The following NFATC3 variants were observed in gnomAD, a reference collection of about 807,000 sequenced individuals.
NFATC3 encodes the protein nuclear factor of activated T cells 3, also known as nuclear factor of activated T-cells, cytoplasmic 3.
In NFATC3, 46 loss-of-function variants were observed where a neutral mutation model predicts 98.6. The observed-to-expected ratio is 0.47, with a 90% confidence interval of 0.37 to 0.60. The LOEUF (loss-of-function observed/expected upper bound fraction) is 0.60. Among genes scored for constraint, NFATC3 ranks in the 20% least tolerant of loss-of-function variants. The probability of loss-of-function intolerance (pLI) is 0.00; values close to 1 mark genes in which losing one functional copy is unlikely to be tolerated. For synonymous variants in NFATC3, 512 were observed against 472.2 expected, an observed-to-expected ratio of 1.08 and a Z score of -1.09; for missense variants, 1,256 against 1,295.5, an observed-to-expected ratio of 0.97 and a Z score of 0.47.
chr16:68,213,593 C>A (rs1158304824), intron 9 of NFATC3, among the ~76,000 whole-genome samples: 1 of 152,022 alleles, frequency 6.6e-6, no homozygotes, highest in Admixed American at 6.6e-5. Context: ...TTTGGGAGGC[C>A]TAGGCGGGCG....
At chr16:68,138,239 C>CA (rs2037551642) in intron 3 of NFATC3, among the ~76,000 whole-genome samples, 2 of 151,440 alleles carry the variant, frequency 1.3e-5, no homozygotes, top group African/African-American at 2.4e-5. Flanking sequence ...GGGGTTTCGT[C>CA]ATGTTGGCCA....
intron 1 of NFATC3, among the ~76,000 whole-genome samples, chr16:68,112,028 C>T (rs1278155108): frequency 6.6e-6 from 1 of 151,960 alleles, no homozygotes; most frequent in Non-Finnish European, 1.5e-5. Flanking sequence ...GTGATCTGTC[C>T]TCTCTCCCTG....
Position 68,189,393 on chromosome 16 carries a change from C to T in NFATC3, c.2099-1375C>T, listed in dbSNP as rs532287309. On this transcript the variant is annotated intron_variant, in intron 8 of 9. Coordinates refer to ENST00000346183, the MANE Select transcript of NFATC3 (RefSeq NM_173165.3). ...TCCAGCTTGGCTTTTGGTCTGTGCC[C>T]ATACCTGGTTTATGCCTTGGACACA... The T allele has an allele frequency of 5.1e-5, 11 of 214,390 alleles. No individual in the cohort carries two copies. In the South Asian group the frequency reaches 7.6e-4, roughly 15 times the overall value. The allele number at this position is 214,390 out of a possible 1,614,324, so 13.3% of individuals were successfully genotyped here. A position where few individuals can be genotyped will look rare whatever the true frequency, so the allele number is the denominator to read the frequency against.
intron 1 of NFATC3, among the ~76,000 whole-genome samples, chr16:68,107,283 AATG>A (rs2035709902): frequency 6.6e-6 from 1 of 152,190 alleles, no homozygotes; most frequent in African/African-American, 2.4e-5. Flanking sequence ...TGCTAGGTAA[AATG>A]ATATTTTTGG....
intron 1 of NFATC3, among the ~76,000 whole-genome samples, chr16:68,094,179 T>C (rs1567493216): frequency 6.6e-6 from 1 of 152,198 alleles, no homozygotes; most frequent in Admixed American, 6.5e-5. Context: ...TTTTAGGTTT[T>C]AAGGCAGTTT....
intron 3 of NFATC3, among the ~76,000 whole-genome samples, chr16:68,135,596 A>G (rs1239732535): frequency 6.6e-6 from 1 of 152,142 alleles, no homozygotes; most frequent in Non-Finnish European, 1.5e-5. Context: ...CTAAATATGG[A>G]AGAACTGTCT....
rs145240988 is a variant in NFATC3 at position 68,221,134 on chromosome 16, T to G, written c.3107-5216T>G. ...ATTAAATTGCAAGCATTAGTATTTT[T>G]AACAACTTAAAAATTGTGCTTATCA... On this transcript the variant is annotated intron_variant, in intron 9 of 9. Transcript: ENST00000346183. 7.3e-3 allele frequency: 11,443 copies of G among 1,564,822 alleles called. 92 individuals are homozygous for G. Among genetic ancestry groups the G allele is most frequent in the Middle Eastern group, 0.017 (96 of 5,732 alleles).
intron 3 of NFATC3, among the ~76,000 whole-genome samples, chr16:68,132,308 G>C (rs1424498337): frequency 6.6e-6 from 1 of 152,132 alleles, no homozygotes; most frequent in Non-Finnish European, 1.5e-5. Context: ...GTAGGGTGAG[G>C]ACTGTGTAAT....
At chr16:68,138,333 C>CT (rs2037557663) in intron 3 of NFATC3, among the ~76,000 whole-genome samples, 1 of 152,176 alleles carries the variant, frequency 6.6e-6, no homozygotes, top group Non-Finnish European at 1.5e-5. Flanking sequence ...GCCACCGTGC[C>CT]TGGCCCCTGA....
At chr16:68,204,993 CTT>C (rs993093946) in intron 9 of NFATC3, among the ~76,000 whole-genome samples, 27 of 121,178 alleles carry the variant, frequency 2.2e-4, no homozygotes, top group Admixed American at 2.5e-4. Context: ...ATGCCTGGCT[CTT>C]TTTTTTTTTT....
At chr16:68,113,070 T>G (rs1353572903) in intron 1 of NFATC3, among the ~76,000 whole-genome samples, 2 of 152,220 alleles carry the variant, frequency 1.3e-5, no homozygotes, top group Admixed American at 1.3e-4. Flanking sequence ...ATTACCTACC[T>G]TTTGAAGCCT....
At chr16:68,129,828 C>G (rs540003143) in intron 3 of NFATC3, among the ~76,000 whole-genome samples, 84 of 152,102 alleles carry the variant, frequency 5.5e-4, no homozygotes, top group Admixed American at 2.3e-3. Flanking sequence ...CAGATGCATG[C>G]CACTGCATCT....
At chr16:68,219,007 G>A (rs937604140) in intron 9 of NFATC3, among the ~76,000 whole-genome samples, 1 of 151,848 alleles carries the variant, frequency 6.6e-6, no homozygotes, top group African/African-American at 2.4e-5. Flanking sequence ...AGGAGGCCGA[G>A]GCGAGGTAGA....
intron 5 of NFATC3, among the ~76,000 whole-genome samples, chr16:68,173,952 C>A (rs1178831818): frequency 1.3e-5 from 2 of 152,012 alleles, no homozygotes; most frequent in Non-Finnish European, 2.9e-5. Flanking sequence ...AGTTTGAGAC[C>A]AGGCTGGACG....
chr16:68,094,480 C>T (rs921277300), intron 1 of NFATC3, among the ~76,000 whole-genome samples: 1 of 152,000 alleles, frequency 6.6e-6, no homozygotes, highest in African/African-American at 2.4e-5. Flanking sequence ...AGGAGAACTA[C>T]CTTCTATAGC....
chr16:68,104,683 G>T (rs1209115519), intron 1 of NFATC3, among the ~76,000 whole-genome samples: 1 of 130,014 alleles, frequency 7.7e-6, no homozygotes, highest in Non-Finnish European at 1.6e-5. Flanking sequence ...ATGGAGTCTG[G>T]CTCTGTCGCC....
chr16:68,216,910 G>A (rs2041662926), intron 9 of NFATC3, among the ~76,000 whole-genome samples: 1 of 152,126 alleles, frequency 6.6e-6, no homozygotes, highest in South Asian at 2.1e-4. Context: ...GGGAAAAAAG[G>A]TATAATAATT....
At chr16:68,132,538 C>T (rs1028944706) in intron 3 of NFATC3, among the ~76,000 whole-genome samples, 3 of 152,190 alleles carry the variant, frequency 2.0e-5, no homozygotes, top group African/African-American at 7.2e-5. Flanking sequence ...CCAGCAGTTC[C>T]ACTGTTGGGA....
chr16:68,181,601 T>C, intron 7 of NFATC3, 71 bp downstream of exon 7: 1 of 1,127,798 alleles, frequency 8.9e-7, no homozygotes, highest in South Asian at 1.3e-5. Flanking sequence ...TGCTGCTTTA[T>C]GGTATGGATG....
Sources: gnomAD v4.1 joint callset for allele counts (sites outside exome capture counted in the v4.1 genomes callset) on GRCh38, gnomAD v4.1.1 for gene constraint, MANE v1.5 for transcripts, NCBI Gene and HGNC (gene_info 2026-07-23, HGNC 2026-07-21) for gene names.